Variants in TSPAN12 observed in about 807,000 individuals in gnomAD.
TSPAN12 encodes tetraspanin-12.
Under a neutral mutation model 39.2 loss-of-function variants are expected in TSPAN12, and 19 were observed. That is an observed-to-expected ratio of 0.49 (90% confidence interval 0.34 to 0.71). The LOEUF is 0.71. Among genes scored for constraint, TSPAN12 ranks in the 30% least tolerant of loss-of-function variants. The pLI is 0.01. For synonymous variants in TSPAN12, 119 were observed against 124.8 expected (o/e 0.95, Z 0.31); for missense variants, 314 against 359.9 (o/e 0.87, Z 1.03).
At chr7:120,821,890 A>G (rs558762215) in intron 4 of TSPAN12, among the ~76,000 whole-genome samples, 2 of 152,292 alleles carry the variant, frequency 1.3e-5, no homozygotes, top group South Asian at 4.1e-4. Context: ...CCCAAAGGCT[A>G]TGACATGAAC....
intron 7 of TSPAN12, among the ~76,000 whole-genome samples, chr7:120,799,569 TTTATATAATTATATGTAATA>T (rs1793710551): frequency 1.8e-5 from 2 of 108,770 alleles, no homozygotes; most frequent in African/African-American, 3.7e-5. Context: ...AATATAATTA[TTTATATAATTATATGTAATA>T]ATATAATTAT....
chr7:120,840,467 T>C (rs1443461342), intron 2 of TSPAN12, among the ~76,000 whole-genome samples: 1 of 148,766 alleles, frequency 6.7e-6, no homozygotes, highest in East Asian at 2.0e-4. Context: ...AATTAAATAC[T>C]ATTACTGAAC....
intron 7 of TSPAN12, among the ~76,000 whole-genome samples, chr7:120,796,883 C>T (rs896814623): frequency 5.9e-5 from 9 of 152,144 alleles, no homozygotes; most frequent in African/African-American, 1.4e-4. Context: ...TGGCTGGGCA[C>T]GGTAGCTCAC....
intron 4 of TSPAN12, among the ~76,000 whole-genome samples, chr7:120,832,183 C>T (rs1794402215): frequency 6.6e-6 from 1 of 152,072 alleles, no homozygotes; most frequent in Non-Finnish European, 1.5e-5. Flanking sequence ...GTCCCTAAGT[C>T]TTACTTAGTT....
At chr7:120,856,313 C>T (rs1794868931) in intron 2 of TSPAN12, among the ~76,000 whole-genome samples, 1 of 152,168 alleles carries the variant, frequency 6.6e-6, no homozygotes, top group Non-Finnish European at 1.5e-5. Flanking sequence ...CTAGATTTTA[C>T]AGGCGACAGA....
At chr7:120,798,848 C>T (rs1287561641) in intron 7 of TSPAN12, among the ~76,000 whole-genome samples, 2 of 151,802 alleles carry the variant, frequency 1.3e-5, no homozygotes, top group African/African-American at 4.9e-5. Context: ...CTAATATTTT[C>T]TGCACGTGGC....
chr7:120,836,194 G>A (rs1454349471), intron 4 of TSPAN12, among the ~76,000 whole-genome samples: 1 of 152,196 alleles, frequency 6.6e-6, no homozygotes, highest in Admixed American at 6.5e-5. Flanking sequence ...GAGGAAGCCA[G>A]AGAGGAGAGC....
intron 7 of TSPAN12, among the ~76,000 whole-genome samples, chr7:120,801,075 T>C (rs1486221582): frequency 1.3e-5 from 2 of 152,144 alleles, no homozygotes; most frequent in East Asian, 3.9e-4. Context: ...CGTGAATCAC[T>C]GTAACCGGCT....
chr7:120,790,897 T>C (rs1045583852), intron 7 of TSPAN12, among the ~76,000 whole-genome samples: 2 of 152,214 alleles, frequency 1.3e-5, no homozygotes, highest in Admixed American at 6.5e-5. Context: ...AAGAAATTGA[T>C]ATAAAACAGC....
chr7:120,826,538 C>T (rs1411711631), intron 4 of TSPAN12, among the ~76,000 whole-genome samples: 2 of 152,076 alleles, frequency 1.3e-5, no homozygotes, highest in Non-Finnish European at 2.9e-5. Context: ...GTCCCCATTA[C>T]CAAAACCCAT....
chr7:120,831,213 C>A (rs1341909066), intron 4 of TSPAN12, among the ~76,000 whole-genome samples: 1 of 151,942 alleles, frequency 6.6e-6, no homozygotes, highest in African/African-American at 2.4e-5. Context: ...TAAATTAGTA[C>A]AGCCATTATG....
chr7:120,840,073 T>A lies in TSPAN12; in HGVS notation c.103A>T (p.Met35Leu). ...AGAACATTATTTAGGTAGTCCCTCA[T>A]CCAAGCAGAAACTGCCAACACACTG... ...SISVLAVSAW[M>L]RDYLNNVLTL... is the part of the protein sequence containing the mutation. Residue 35 changes from methionine to leucine, a missense_variant, in exon 3 of 8, where the codon ATG (methionine) becomes TTG (leucine). Physicochemically the swap from Met to Leu is conservative, Grantham distance 15 (BLOSUM62 2). Transcript: ENST00000222747. 1 of 1,613,896 alleles carries A rather than the reference T, an allele frequency of 6.2e-7. No individual in the cohort carries two copies.
chr7:120,854,128 A>C (rs1328262775), intron 2 of TSPAN12, among the ~76,000 whole-genome samples: 3 of 152,176 alleles, frequency 2.0e-5, no homozygotes, highest in South Asian at 2.1e-4. Flanking sequence ...TAATACTTTA[A>C]ATGTTTCAGA....
At chr7:120,825,997 T>TA (rs1794279363) in intron 4 of TSPAN12, among the ~76,000 whole-genome samples, 1 of 152,210 alleles carries the variant, frequency 6.6e-6, no homozygotes, top group African/African-American at 2.4e-5. Flanking sequence ...AGTCTTGTCT[T>TA]AGAGACCGTC....
rs1793448201 is a variant in TSPAN12 at position 120,788,311 on chromosome 7, C to CT, written c.*280dup. ...ATGCGGAAATGCTAATCAAACCATGCTGCCTCAAAACATAACTGTGTTCAG... is the reference window on the plus strand; with the variant it reads ...ATGCGGAAATGCTAATCAAACCATGCTTGCCTCAAAACATAACTGTGTTCAG... On this transcript the variant is annotated 3_prime_UTR_variant, in exon 8 of 8. Transcript: ENST00000222747. 2.3e-6 allele frequency: 1 copy of CT among 438,624 alleles called. No individual in the cohort carries two copies. The highest frequency in any genetic ancestry group is 2.0e-5 in the African/African-American group (1 of 50,124). The allele number at this position is 438,624 out of a possible 1,614,324, so 27.2% of individuals were successfully genotyped here. A position where few individuals can be genotyped will look rare whatever the true frequency, so the allele number is the denominator to read the frequency against.
chr7:120,813,628 A>G (rs951540415), intron 5 of TSPAN12, among the ~76,000 whole-genome samples: 12 of 152,220 alleles, frequency 7.9e-5, no homozygotes, highest in Non-Finnish European at 1.2e-4. Flanking sequence ...CAAGAAAGTA[A>G]ACAAATTGCT....
chr7:120,827,917 G>A (rs1398770555), intron 4 of TSPAN12, among the ~76,000 whole-genome samples: 1 of 152,120 alleles, frequency 6.6e-6, no homozygotes, highest in Non-Finnish European at 1.5e-5. Flanking sequence ...CTTTGTGCTG[G>A]CTTGTTTCCC....
chr7:120,826,863 C>T (rs1167628275), intron 4 of TSPAN12, among the ~76,000 whole-genome samples: 3 of 152,112 alleles, frequency 2.0e-5, no homozygotes, highest in Non-Finnish European at 4.4e-5. Flanking sequence ...GCTGGGACTA[C>T]AGACATGCAC....
At chr7:120,808,812 C>G (rs1175166822) in intron 6 of TSPAN12, among the ~76,000 whole-genome samples, 1 of 151,836 alleles carries the variant, frequency 6.6e-6, no homozygotes, top group Non-Finnish European at 1.5e-5. Context: ...AGAATTGGGT[C>G]CCCCACCCAA....
Sources: allele counts gnomAD v4.1 joint callset (sites outside exome capture counted in the v4.1 genomes callset), GRCh38; gene constraint gnomAD v4.1.1; transcripts MANE v1.5; gene names NCBI Gene and HGNC (gene_info 2026-07-23, HGNC 2026-07-21).